Variants in FBXO9 observed in about 807,000 individuals in gnomAD.
FBXO9 encodes F-box only protein 9.
In FBXO9, 43 loss-of-function variants were observed where a neutral mutation model predicts 63.7. That is an observed-to-expected ratio of 0.67 (90% CI 0.53 to 0.87). FBXO9 has a LOEUF of 0.87. Among genes scored for constraint, FBXO9 ranks in the 40% least tolerant of loss-of-function variants. The probability of loss-of-function intolerance (pLI) is 0.00; values close to 1 mark genes in which losing one functional copy is unlikely to be tolerated. For missense variants in FBXO9, 442 were observed against 533.2 expected (o/e 0.83, Z 1.68); for synonymous variants, 156 against 171.7 (o/e 0.91, Z 0.72).
At chr6:53,075,878 A>C (rs956496842) in intron 3 of FBXO9, among the ~76,000 whole-genome samples, 1 of 149,978 alleles carries the variant, frequency 6.7e-6, no homozygotes, top group Non-Finnish European at 1.5e-5. Flanking sequence ...AGAGTAGCTG[A>C]GACTGTAGAC....
At chr6:53,088,910 TTTTC>T (rs1207609380) in intron 7 of FBXO9, among the ~76,000 whole-genome samples, 11 of 150,660 alleles carry the variant, frequency 7.3e-5, no homozygotes, top group African/African-American at 1.2e-4. Context: ...CTAGTGGTTT[TTTTC>T]TTTCTTTCTT....
At position 53,097,926 on chromosome 6, in the gene FBXO9, G is replaced by GTGTGTA. The variant is rs1295147641; in HGVS notation, c.*97_*98insGTGTAT. On this transcript the variant is annotated 3_prime_UTR_variant, in exon 13 of 13. Coordinates refer to ENST00000323557, the MANE Select transcript of FBXO9 (RefSeq NM_033480.3). ...TAAATGTGTGTGTGTGCGTGTGTGT[G>GTGTGTA]TATATATATATATATATATATATAT... is the stretch of plus-strand genomic sequence containing the variant. 2.3e-5 allele frequency: 2 copies of GTGTGTA among 88,296 alleles called. No homozygotes were observed. Among genetic ancestry groups the GTGTGTA allele is most frequent in the African/African-American group, 1.1e-4 (2 of 18,068 alleles). 5.5% of individuals were successfully genotyped at this position (88,296 alleles called of 1,614,324 possible). A position where few individuals can be genotyped will look rare whatever the true frequency, so the allele number is the denominator to read the frequency against.
upstream of FBXO9, chr6:53,065,353 C>T (rs1768648383): frequency 6.1e-6 from 1 of 164,406 alleles, no homozygotes; most frequent in Non-Finnish European, 1.3e-5. Context: ...ACTAGGCAGC[C>T]CGCGGGGATG....
chr6:53,082,818 G>A (rs971722085), intron 7 of FBXO9, among the ~76,000 whole-genome samples, 200 bp downstream of exon 7: 1 of 152,186 alleles, frequency 6.6e-6, no homozygotes, highest in African/African-American at 2.4e-5. Flanking sequence ...CTAGGGTATA[G>A]AATAATATGT....
chr6:53,086,148 T>C (rs1351345651), intron 7 of FBXO9, among the ~76,000 whole-genome samples: 9 of 151,570 alleles, frequency 5.9e-5, no homozygotes, highest in African/African-American at 2.2e-4. Flanking sequence ...AAACTACATC[T>C]CAAAAAAAAA....
At chr6:53,092,652 T>A (rs1246091749) in intron 8 of FBXO9, 82 bp from the exon 9 acceptor site, 3 of 1,390,106 alleles carry the variant, frequency 2.2e-6, no homozygotes, top group Non-Finnish European at 3.0e-6. Context: ...ACTGTAAGCA[T>A]GTTTAAAGGA....
At position 53,099,256 on chromosome 6, in the gene FBXO9, A is replaced by G. The variant is rs1562078671; in HGVS notation, c.*1426A>G. 1 of 151,184 alleles carries G rather than the reference A, an allele frequency of 6.6e-6. No homozygotes were observed. The highest frequency in any genetic ancestry group is 1.5e-5 in the Non-Finnish European group (1 of 67,992). The allele number at this position is 151,184 out of a possible 1,614,324, so 9.4% of individuals were successfully genotyped here. On this transcript the variant is annotated 3_prime_UTR_variant, in exon 13 of 13. Coordinates refer to ENST00000323557, the MANE Select transcript of FBXO9 (RefSeq NM_033480.3). ...AAAAAAAAAAAAATTAGCCAAGTAC[A>G]GTGGGGCACACCTATAGTCGCAGCT...
At chr6:53,086,104 G>T (rs942597644) in intron 7 of FBXO9, among the ~76,000 whole-genome samples, 9 of 152,152 alleles carry the variant, frequency 5.9e-5, no homozygotes, top group Non-Finnish European at 1.2e-4. Context: ...AGCTAAGATC[G>T]CACCATTGCG....
intron 1 of FBXO9, among the ~76,000 whole-genome samples, chr6:53,069,122 A>G (rs892132622): frequency 1.1e-4 from 17 of 152,220 alleles, no homozygotes; most frequent in African/African-American, 2.9e-4. Flanking sequence ...CAAGAAAGCA[A>G]TAACTATTTG....
chr6:53,067,161 C>G lies in FBXO9; in HGVS notation c.3+1369C>G, dbSNP rs1405747430. 3.9e-5 allele frequency among the ~76,000 whole-genome samples: 6 copies of G among 152,136 alleles called. No homozygotes were observed. In the East Asian group the frequency reaches 7.7e-4, roughly 20 times the overall value. On this transcript the variant is annotated intron_variant, in intron 1 of 12. Coordinates refer to ENST00000323557, the MANE Select transcript of FBXO9 (RefSeq NM_033480.3). The stretch of plus-strand genomic sequence containing the variant: ...TACTAGATCTTCAATATAACCAAAC[C>G]TGCAAGGTGATTTATGATAAACTTT...
chr6:53,068,925 C>T lies in FBXO9; in HGVS notation c.4-2132C>T, dbSNP rs573241819. On this transcript the variant is annotated intron_variant, in intron 1 of 12. Coordinates refer to ENST00000323557, the MANE Select transcript of FBXO9 (RefSeq NM_033480.3). The stretch of plus-strand genomic sequence containing the variant: ...TCAGCCTTCCAAAGTGTTGGGATTA[C>T]AGGCATGAGCCACCACACCCTGCCT... Among the ~76,000 whole-genome samples the T allele has an allele frequency of 4.4e-3, 673 of 152,238 alleles. 5 individuals carry two copies. Among genetic ancestry groups the T allele is most frequent in the Non-Finnish European group, 6.9e-3 (467 of 68,026 alleles).
chr6:53,069,261 A>G (rs1460671618), intron 1 of FBXO9, among the ~76,000 whole-genome samples: 1 of 152,262 alleles, frequency 6.6e-6, no homozygotes, highest in Non-Finnish European at 1.5e-5. Flanking sequence ...AAAAAATTCA[A>G]GTATCAAGTT....
intron 7 of FBXO9, among the ~76,000 whole-genome samples, chr6:53,088,890 G>A (rs1474441712): frequency 6.6e-6 from 1 of 150,816 alleles, no homozygotes; most frequent in African/African-American, 2.4e-5. Context: ...GTGAGCCACC[G>A]CACCTGGCCC....
upstream of FBXO9, chr6:53,065,385 G>T (rs1768651599): frequency 1.7e-5 from 3 of 179,104 alleles, no homozygotes; most frequent in Non-Finnish European, 3.5e-5. Context: ...CGCCCACACG[G>T]GCAGCACCGG....
intron 3 of FBXO9, among the ~76,000 whole-genome samples, chr6:53,075,156 GAC>G (rs1417106925): frequency 6.6e-6 from 1 of 151,546 alleles, no homozygotes; most frequent in African/African-American, 2.4e-5. Flanking sequence ...TTTATTTTAA[GAC>G]AGAGTCTCAC....
chr6:53,073,669 C>A, intron 3 of FBXO9, 30 bp downstream of exon 3: 1 of 1,314,356 alleles, frequency 7.6e-7, no homozygotes, highest in Non-Finnish European at 9.7e-7. Flanking sequence ...TAACAAATTA[C>A]ATTTTTTTTT....
Position 53,097,721 on chromosome 6 carries a change from G to T in FBXO9, c.1206-1G>T, listed in dbSNP as rs748030015. 1 of 1,578,746 alleles carries T rather than the reference G, an allele frequency of 6.3e-7. No homozygotes were observed. The highest frequency in any genetic ancestry group is 8.6e-7 in the Non-Finnish European group (1 of 1,158,462). ...AGTAATTTTGTGCTTTTTTTTTACA[G>T]ATCAACTGGTGAGACTGCAGTCAGT... is the stretch of plus-strand genomic sequence containing the variant. On this transcript the variant is annotated splice_acceptor_variant, in intron 12 of 12. Transcript: ENST00000323557. LOFTEE classifies it high-confidence loss of function.
intron 7 of FBXO9, among the ~76,000 whole-genome samples, chr6:53,086,806 G>A (rs757089900): frequency 2.6e-5 from 4 of 152,168 alleles, no homozygotes; most frequent in Admixed American, 2.0e-4. Flanking sequence ...GGTCACTCAT[G>A]CCTGTAATCC....
chr6:53,095,828 G>A (rs1272915139), intron 12 of FBXO9, among the ~76,000 whole-genome samples, 164 bp downstream of exon 12: 1 of 152,046 alleles, frequency 6.6e-6, no homozygotes, highest in Non-Finnish European at 1.5e-5. Flanking sequence ...TGGCCCAAAC[G>A]AAAAAGACTA....
Sources: allele counts gnomAD v4.1 joint callset (sites outside exome capture counted in the v4.1 genomes callset), GRCh38; gene constraint gnomAD v4.1.1; transcripts MANE v1.5; gene names NCBI Gene and HGNC (gene_info 2026-07-23, HGNC 2026-07-21).